Variants in MAP1B observed in about 807,000 individuals in gnomAD.
MAP1B encodes the protein microtubule associated protein 1B.
MAP1B carries 12 observed loss-of-function variants against 176.1 expected under a neutral mutation model. That is an observed-to-expected ratio of 0.07 (90% CI 0.04 to 0.11). The LOEUF is 0.11. Among genes scored for constraint, MAP1B ranks in the 10% least tolerant of loss-of-function variants. The probability of loss-of-function intolerance (pLI) is 1.00; values close to 1 mark genes in which losing one functional copy is unlikely to be tolerated. For synonymous variants in MAP1B, 1,044 were observed against 1,135.0 expected (o/e 0.92, Z 1.61); for missense variants, 2,523 against 2,990.5 (o/e 0.84, Z 3.65).
intron 2 of MAP1B, among the ~76,000 whole-genome samples, chr5:72,133,925 A>G (rs531025656): frequency 5.6e-4 from 86 of 152,252 alleles, no homozygotes; most frequent in African/African-American, 1.8e-3. Context: ...AAACATTTCC[A>G]TTTTTCTTTA....
At chr5:72,183,466 C>T (rs1451588211) in intron 2 of MAP1B, among the ~76,000 whole-genome samples, 2 of 152,226 alleles carry the variant, frequency 1.3e-5, no homozygotes, top group African/African-American at 2.4e-5. Flanking sequence ...ACCGCCATTA[C>T]CGCAAGGAGG....
At chr5:72,188,523 T>C (rs570905767) in intron 4 of MAP1B, among the ~76,000 whole-genome samples, 19 of 152,322 alleles carry the variant, frequency 1.2e-4, no homozygotes, top group Non-Finnish European at 2.4e-4. Context: ...AAAGGAAATA[T>C]GTAAAGAAAA....
At chr5:72,120,324 C>T (rs1745504858) in intron 2 of MAP1B, among the ~76,000 whole-genome samples, 1 of 152,230 alleles carries the variant, frequency 6.6e-6, no homozygotes, top group Admixed American at 6.5e-5. Flanking sequence ...TGATCTTAAC[C>T]CCACGGTTTA....
At position 72,136,157 on chromosome 5, in the gene MAP1B, T is replaced by G. The variant is rs534029325; in HGVS notation, c.286+20358T>G. On this transcript the variant is annotated intron_variant, in intron 2 of 6. Coordinates refer to ENST00000296755, the MANE Select transcript of MAP1B (RefSeq NM_005909.5). ...AGGTACTAAGTAAAGTGCTAGTTAC[T>G]GTACTAAACATACCCATGGGCATGT... Among the ~76,000 whole-genome samples, 4 of 152,298 alleles carry G rather than the reference T, an allele frequency of 2.6e-5. No individual in the cohort carries two copies. The East Asian group carries it at 7.7e-4, about 29-fold the overall frequency.
chr5:72,164,909 A>AT (rs930750280), intron 2 of MAP1B, among the ~76,000 whole-genome samples: 5 of 151,988 alleles, frequency 3.3e-5, no homozygotes, highest in African/African-American at 1.2e-4. Flanking sequence ...ATGAATGAGT[A>AT]TTTTTCTTGG....
chr5:72,151,091 C>T (rs1318901118), intron 2 of MAP1B, among the ~76,000 whole-genome samples: 2 of 152,020 alleles, frequency 1.3e-5, no homozygotes, highest in Non-Finnish European at 2.9e-5. Flanking sequence ...AGAAGCCTGG[C>T]GTTGGCATCT....
At chr5:72,178,725 GGTGTGTGTGT>G (rs34082751) in intron 2 of MAP1B, among the ~76,000 whole-genome samples, 29 of 140,504 alleles carry the variant, frequency 2.1e-4, no homozygotes, top group East Asian at 6.4e-4. Flanking sequence ...GCCTCTGAGG[GGTGTGTGTGT>G]GTGTGTGTGT....
chr5:72,178,406 C>G (rs1746694208), intron 2 of MAP1B, among the ~76,000 whole-genome samples: 1 of 152,240 alleles, frequency 6.6e-6, no homozygotes, highest in Non-Finnish European at 1.5e-5. Context: ...TTATCTCACA[C>G]ATTTTTCTCT....
chr5:72,195,000 G>A lies in MAP1B; in HGVS notation c.1645G>A (p.Ala549Thr), dbSNP rs778160206. ...ADSRESLKPA[A>T]KPLPSKSVRK... is the part of the protein sequence containing the mutation. The stretch of plus-strand genomic sequence containing the variant: ...TAGCCGAGAAAGTCTGAAGCCAGCC[G>A]CAAAACCACTTCCTAGCAAATCCGT... Residue 549 changes from alanine to threonine, a missense_variant, in exon 5 of 7, where the codon GCA becomes ACA. Physicochemically the swap from Ala to Thr is moderately conservative, Grantham distance 58 (BLOSUM62 0). Coordinates refer to ENST00000296755, the MANE Select transcript of MAP1B (RefSeq NM_005909.5). The surrounding 1 kb of genome is among the most constrained non-coding windows in gnomAD (Gnocchi z 7.2). 5.0e-6 allele frequency: 8 copies of A among 1,613,776 alleles called. No homozygotes were observed. The highest frequency in any genetic ancestry group is 2.7e-5 in the African/African-American group (2 of 74,846).
Position 72,198,835 on chromosome 5 carries a change from C to T in MAP1B, c.5480C>T (p.Ala1827Val). Residue 1827 changes from alanine (A) to valine (V), a missense_variant, in exon 5 of 7, where the codon GCA (alanine) becomes GTA (valine). Physicochemically the swap from Ala to Val is moderately conservative, Grantham distance 64. Transcript: ENST00000296755. ...TCTCCACCAATAGATGCAGCATCCG[C>T]AGAGCCCTATGGCTTCCGTGCCTCA... ...SSSPPIDAAS[A>V]EPYGFRASVL... 1 of 1,614,216 alleles carries T rather than the reference C, an allele frequency of 6.2e-7. No homozygotes were observed. The highest frequency in any genetic ancestry group is 8.5e-7 in the Non-Finnish European group (1 of 1,180,048).
chr5:72,170,365 T>C (rs973588844), intron 2 of MAP1B, among the ~76,000 whole-genome samples: 2 of 152,202 alleles, frequency 1.3e-5, no homozygotes, highest in Non-Finnish European at 2.9e-5. Context: ...GTCAGCTCTC[T>C]GTATGATGTT....
chr5:72,123,523 C>T (rs113081611), intron 2 of MAP1B, among the ~76,000 whole-genome samples: 2,120 of 150,522 alleles, frequency 0.014, 51 homozygotes, highest in African/African-American at 0.049. Context: ...CTCACTCTGT[C>T]GCCCAGGCTG....
chr5:72,142,170 TC>T (rs761993415), intron 2 of MAP1B, among the ~76,000 whole-genome samples: 31 of 152,294 alleles, frequency 2.0e-4, no homozygotes, highest in Admixed American at 4.6e-4. Context: ...CCTGTGACCC[TC>T]ACTCTTCCTA....
chr5:72,202,651 A>C (rs1452922629), intron 5 of MAP1B, among the ~76,000 whole-genome samples: 1 of 152,218 alleles, frequency 6.6e-6, no homozygotes, highest in Non-Finnish European at 1.5e-5. Context: ...ACCCAAGCCC[A>C]CTTAAGTCAG....
chr5:72,191,996 C>G (rs985937059), intron 4 of MAP1B, among the ~76,000 whole-genome samples: 1 of 152,228 alleles, frequency 6.6e-6, no homozygotes, highest in African/African-American at 2.4e-5. Flanking sequence ...GCCCCCTACT[C>G]ACAGCTGGAT....
chr5:72,200,024 G>A lies in MAP1B; in HGVS notation c.6669G>A (p.Glu2223=), dbSNP rs1561318585. ...RHPDVSMVDP[E]ALAIEQNLGK... Reference sequence around the variant, plus strand: ...CTGATGTGTCCATGGTGGACCCAGAGGCCTTGGCCATTGAGCAGAACCTGG... The same window carrying A: ...CTGATGTGTCCATGGTGGACCCAGAAGCCTTGGCCATTGAGCAGAACCTGG... The change falls in exon 5 of 7, where the codon GAG becomes GAA. Residue 2223 remains glutamate (E), a synonymous_variant. Transcript: ENST00000296755. The A allele has an allele frequency of 2.5e-6, 4 of 1,614,092 alleles. No individual in the cohort carries two copies. The highest frequency in any genetic ancestry group is 1.1e-5 in the South Asian group (1 of 91,092).
chr5:72,147,751 G>A (rs1746072109), intron 2 of MAP1B, among the ~76,000 whole-genome samples: 1 of 152,182 alleles, frequency 6.6e-6, no homozygotes, highest in Non-Finnish European at 1.5e-5. Context: ...AGACATGTCA[G>A]GGGAAAAAAT....
intron 4 of MAP1B, chr5:72,193,368 C>A: frequency 3.7e-6 from 1 of 271,140 alleles, no homozygotes; most frequent in Non-Finnish European, 7.2e-6. Flanking sequence ...TTTGCCAAGT[C>A]TAGTGGAATA....
chr5:72,115,655 G>A, intron 1 of MAP1B, 43 bp from the exon 2 acceptor site: 1 of 1,071,670 alleles, frequency 9.3e-7, no homozygotes. Context: ...ACTCTGAAAT[G>A]ACTAACTGGA....
Sources: allele counts gnomAD v4.1 joint callset (sites outside exome capture counted in the v4.1 genomes callset), GRCh38; gene constraint gnomAD v4.1.1; non-coding constraint Gnocchi (gnomAD v3.1); transcripts MANE v1.5; gene names NCBI Gene and HGNC (gene_info 2026-07-23, HGNC 2026-07-21).